MAPK9: variants seen among roughly 807,000 people sequenced by gnomAD.
The protein encoded by MAPK9 is mitogen-activated protein kinase 9.
MAPK9 carries 30 observed loss-of-function variants against 57.1 expected under a neutral mutation model. The ratio of observed to expected loss-of-function variants is 0.53; its 90% confidence interval spans 0.39 to 0.71. The LOEUF (loss-of-function observed/expected upper bound fraction) is 0.71, where lower values mean the gene tolerates loss of function less well. Ranked by LOEUF, MAPK9 falls within the 30% of genes least tolerant of loss-of-function variation. The pLI is 0.00. For synonymous variants in MAPK9, 155 were observed against 177.0 expected, an observed-to-expected ratio of 0.88 and a Z score of 0.99; for missense variants, 362 against 521.0, an observed-to-expected ratio of 0.69 and a Z score of 2.97.
rs186107419 is a variant in MAPK9 at position 180,235,597 on chromosome 5, C to G, written c.*787G>C. 115 of 152,062 alleles carry G rather than the reference C, an allele frequency of 7.6e-4. No individual in the cohort carries two copies. Among genetic ancestry groups the G allele is most frequent in the Admixed American group, 7.2e-3 (110 of 15,268 alleles). 9.4% of individuals were successfully genotyped at this position (152,062 alleles called of 1,614,324 possible). On this transcript the variant is annotated 3_prime_UTR_variant, in exon 12 of 12. Coordinates refer to ENST00000452135, the MANE Select transcript of MAPK9 (RefSeq NM_002752.5). ...TAAATTCATAAGAAGTCTAGAAGAC[C>G]AAGAAGAAAAGAGATAAGGTAGCTA...
intron 5 of MAPK9, chr5:180,258,464 G>C (rs1319650082): frequency 6.5e-6 from 1 of 153,206 alleles, no homozygotes; most frequent in African/African-American, 2.4e-5. Context: ...AATAATACTG[G>C]AGAGAAACCC....
At chr5:180,271,902 TAG>T (rs1761362384) in intron 2 of MAPK9, among the ~76,000 whole-genome samples, 3 of 152,238 alleles carry the variant, frequency 2.0e-5, no homozygotes, top group Admixed American at 2.0e-4. Context: ...TAATAAATAA[TAG>T]ATTTTATTAC....
At position 180,241,079 on chromosome 5, in the gene MAPK9, C is replaced by A. The variant is rs753882278; in HGVS notation, c.948G>T (p.Leu316=). The part of the protein sequence containing the change: ...PDKRISVDEA[L]RHPYITVWYD... ...ACCAAACAGTGATGTATGGGTGACG[C>A]AGAGCTTCGTCTACAGAGATCCGCT... The change falls in exon 9 of 12, where the codon CTG becomes CTT. Residue 316 remains leucine, a synonymous_variant. Transcript: ENST00000452135. 6.2e-7 allele frequency: 1 copy of A among 1,614,000 alleles called. No homozygotes were observed. The highest frequency in any genetic ancestry group is 8.5e-7 in the Non-Finnish European group (1 of 1,179,982).
At chr5:180,237,378 G>T (rs533091662) in intron 11 of MAPK9, 3 of 152,310 alleles carry the variant, frequency 2.0e-5, no homozygotes, top group African/African-American at 7.2e-5. Flanking sequence ...TATAACGTGA[G>T]CGTTTCATTT....
At chr5:180,278,797 TTCTC>T (rs144740095) in intron 2 of MAPK9, among the ~76,000 whole-genome samples, 30 of 151,096 alleles carry the variant, frequency 2.0e-4, no homozygotes, top group African/African-American at 6.5e-4. Flanking sequence ...TCTCTCCTTT[TTCTC>T]TCTCTCTCTC....
chr5:180,268,319 T>C (rs1760887134), intron 3 of MAPK9, among the ~76,000 whole-genome samples: 1 of 152,240 alleles, frequency 6.6e-6, no homozygotes, highest in South Asian at 2.1e-4. Flanking sequence ...ATAACGTGTA[T>C]TTGAAACTGG....
chr5:180,261,757 T>C lies in MAPK9; in HGVS notation c.377A>G (p.Glu126Gly), dbSNP rs1226513934. Residue 126 changes from glutamate (E) to glycine (G), a missense_variant, in exon 5 of 12, where the codon GAA becomes GGA. Coordinates refer to ENST00000452135, the MANE Select transcript of MAPK9 (RefSeq NM_002752.5). Reference sequence around the variant, plus strand: ...CTGGTAAAGAAGGTAGGACATTCTTTCATGATCCAGCTCCATGTGAATAAC... The same window carrying C: ...CTGGTAAAGAAGGTAGGACATTCTTCCATGATCCAGCTCCATGTGAATAAC... Reference protein sequence around the residue: ...CQVIHMELDHERMSYLLYQML... With the variant: ...CQVIHMELDHGRMSYLLYQML... The C allele has an allele frequency of 6.2e-7, 1 of 1,613,482 alleles. No individual in the cohort carries two copies. The highest frequency in any genetic ancestry group is 8.5e-7 in the Non-Finnish European group (1 of 1,179,636).
In MAPK9 at chr5:180,248,997, G is replaced by A. The variant is rs1758402368; in HGVS notation, c.592C>T (p.Leu198=). ...CCGTTCTCTTTGTAGCCCATACCCAGGATGACTTCGGGCGCCCGGTAGTAC... is the reference window on the plus strand; with the variant it reads ...CCGTTCTCTTTGTAGCCCATACCCAAGATGACTTCGGGCGCCCGGTAGTAC... ...TRYYRAPEVI[L]GMGYKENVDI... The change falls in exon 6 of 12, where the codon CTG becomes TTG. Residue 198 remains leucine, a synonymous_variant. Transcript: ENST00000452135. 6.2e-7 allele frequency: 1 copy of A among 1,613,084 alleles called. No individual in the cohort carries two copies. The highest frequency in any genetic ancestry group is 8.5e-7 in the Non-Finnish European group (1 of 1,179,390).
rs568315594 is a variant in MAPK9 at position 180,241,652 on chromosome 5, G to A, written c.872-497C>T. 1.2e-3 allele frequency among the ~76,000 whole-genome samples: 179 copies of A among 152,338 alleles called. 1 individual carries two copies. Among genetic ancestry groups the A allele is most frequent in the African/African-American group, 4.0e-3 (168 of 41,582 alleles). ...AAATGTCCACTTTCATGACAAACCAGGTTTCCAAATGTAGTTTTACGCCTC... is the reference window on the plus strand; with the variant it reads ...AAATGTCCACTTTCATGACAAACCAAGTTTCCAAATGTAGTTTTACGCCTC... On this transcript the variant is annotated intron_variant, in intron 8 of 11. Coordinates refer to ENST00000452135, the MANE Select transcript of MAPK9 (RefSeq NM_002752.5).
At chr5:180,267,956 G>A (rs193070140) in intron 3 of MAPK9, among the ~76,000 whole-genome samples, 230 of 152,104 alleles carry the variant, frequency 1.5e-3, no homozygotes, top group African/African-American at 4.7e-3. Context: ...TCTGCCTCCC[G>A]GGTTCATGCC....
intron 8 of MAPK9, among the ~76,000 whole-genome samples, 198 bp from the exon 9 acceptor site, chr5:180,241,353 A>G (rs1757641173): frequency 6.6e-6 from 1 of 150,630 alleles, no homozygotes; most frequent in Non-Finnish European, 1.5e-5. Context: ...CGCCCAATGC[A>G]GTGGCGCAAT....
At chr5:180,236,570 T>C (rs1757190694) in intron 11 of MAPK9, 44 bp from the exon 12 acceptor site, 2 of 1,594,428 alleles carry the variant, frequency 1.3e-6, no homozygotes, top group South Asian at 1.1e-5. Context: ...AGGCACGACA[T>C]TGCTGCAAAT....
chr5:180,243,793 T>C (rs544749879), intron 7 of MAPK9, among the ~76,000 whole-genome samples: 1 of 152,212 alleles, frequency 6.6e-6, no homozygotes, highest in Non-Finnish European at 1.5e-5. Context: ...GCCCACATTT[T>C]ATTTACCTAT....
intron 7 of MAPK9, among the ~76,000 whole-genome samples, chr5:180,244,498 G>A (rs1205520522): frequency 2.0e-5 from 3 of 152,114 alleles, no homozygotes; most frequent in Admixed American, 6.5e-5. Flanking sequence ...GCTGTCGGTC[G>A]GGCTCAGTGG....
intron 4 of MAPK9, among the ~76,000 whole-genome samples, chr5:180,263,308 CCT>C (rs1760177184): frequency 6.6e-6 from 1 of 152,122 alleles, no homozygotes; most frequent in South Asian, 2.1e-4. Context: ...AGTCTCTTCC[CCT>C]CTCACCCTTC....
intron 2 of MAPK9, chr5:180,279,781 T>C (rs148324598): frequency 1.4e-4 from 65 of 454,812 alleles, no homozygotes; most frequent in Admixed American, 4.5e-4. Flanking sequence ...CTAGGAAACA[T>C]GTGAAGAGCT....
chr5:180,284,819 G>A (rs1762600226), intron 1 of MAPK9, among the ~76,000 whole-genome samples: 1 of 152,272 alleles, frequency 6.6e-6, no homozygotes, highest in South Asian at 2.1e-4. Context: ...AGGACTTTAT[G>A]TATCAATGTG....
intron 2 of MAPK9, 102 bp downstream of exon 2, chr5:180,280,338 G>GT (rs908995295): frequency 0.017 from 21,056 of 1,245,242 alleles, 31 homozygotes; most frequent in African/African-American, 0.042. Context: ...CTATAACAGA[G>GT]TTTTTTTTTT....
intron 5 of MAPK9, among the ~76,000 whole-genome samples, chr5:180,254,186 C>T (rs902859986): frequency 3.9e-5 from 6 of 152,112 alleles, no homozygotes; most frequent in South Asian, 2.1e-4. Flanking sequence ...AGGCTGGTGT[C>T]GAACTCTTGA....
Sources: gnomAD v4.1 joint callset for allele counts (sites outside exome capture counted in the v4.1 genomes callset) on GRCh38, gnomAD v4.1.1 for gene constraint, MANE v1.5 for transcripts, NCBI Gene and HGNC (gene_info 2026-07-23, HGNC 2026-07-21) for gene names.